MAPK8: variants seen among roughly 807,000 people sequenced by gnomAD.
MAPK8 encodes JUN N-terminal kinase.
MAPK8 carries 13 observed loss-of-function variants against 52.9 expected under a neutral mutation model. The ratio of observed to expected loss-of-function variants is 0.25; its 90% confidence interval spans 0.16 to 0.39. The LOEUF (loss-of-function observed/expected upper bound fraction) is 0.39. MAPK8 is among the 10% of genes least tolerant of loss of function. MAPK8 has a pLI of 1.00. For synonymous variants in MAPK8, 191 were observed against 169.8 expected, an observed-to-expected ratio of 1.12 and a Z score of -0.97; for missense variants, 300 against 519.2, an observed-to-expected ratio of 0.58 and a Z score of 4.10.
intron 1 of MAPK8, among the ~76,000 whole-genome samples, chr10:48,345,714 G>C (rs1255954350): frequency 2.6e-5 from 4 of 152,164 alleles, no homozygotes; most frequent in African/African-American, 9.7e-5. Context: ...GGGTGGATCT[G>C]CTCAGGACCC....
At chr10:48,376,573 A>G (rs1169589749) in intron 1 of MAPK8, among the ~76,000 whole-genome samples, 7 of 152,252 alleles carry the variant, frequency 4.6e-5, no homozygotes, top group Admixed American at 2.0e-4. Context: ...GGCGAAGCAT[A>G]TGAAGAGACA....
chr10:48,402,620 A>T (rs748749377), intron 2 of MAPK8, among the ~76,000 whole-genome samples: 10 of 152,236 alleles, frequency 6.6e-5, no homozygotes, highest in Admixed American at 4.6e-4. Context: ...GTTTTGGGGA[A>T]TTATAAGCCT....
intron 1 of MAPK8, among the ~76,000 whole-genome samples, chr10:48,332,482 C>T (rs909795672): frequency 7.9e-5 from 12 of 152,188 alleles, no homozygotes; most frequent in Non-Finnish European, 1.3e-4. Flanking sequence ...TATTTTTCTT[C>T]CATCGGGAAG....
intron 3 of MAPK8, among the ~76,000 whole-genome samples, chr10:48,408,278 A>G (rs2042572601): frequency 1.3e-5 from 2 of 152,172 alleles, no homozygotes; most frequent in African/African-American, 4.8e-5. Flanking sequence ...TGATGTGAAA[A>G]TGAGACTAGA....
intron 6 of MAPK8, among the ~76,000 whole-genome samples, chr10:48,420,872 A>T (rs975765506): frequency 6.6e-6 from 1 of 152,234 alleles, no homozygotes; most frequent in African/African-American, 2.4e-5. Flanking sequence ...AGTATTTTGT[A>T]TGGGTATATC....
chr10:48,332,804 C>T (rs1844282383), intron 1 of MAPK8, among the ~76,000 whole-genome samples: 1 of 152,184 alleles, frequency 6.6e-6, no homozygotes, highest in Non-Finnish European at 1.5e-5. Flanking sequence ...TATTAGGCCC[C>T]ACTCTGTCCA....
At chr10:48,362,690 A>G (rs1847644852) in intron 1 of MAPK8, among the ~76,000 whole-genome samples, 2 of 150,804 alleles carry the variant, frequency 1.3e-5, no homozygotes, top group South Asian at 4.2e-4. Flanking sequence ...AGTGGATTCC[A>G]CTGTATCACA....
At chr10:48,425,831 A>ACAAGAATACATTCG in intron 7 of MAPK8, 57 bp from the exon 8 acceptor site, 1 of 818,980 alleles carries the variant, frequency 1.2e-6, no homozygotes, top group Non-Finnish European at 1.7e-6. Context: ...TAATATGAAT[A>ACAAGAATACATTCG]TGACTAATGT....
intron 1 of MAPK8, among the ~76,000 whole-genome samples, chr10:48,361,746 G>A (rs1299318714): frequency 1.3e-5 from 2 of 152,032 alleles, no homozygotes; most frequent in Admixed American, 6.5e-5. Flanking sequence ...GGGGCGTAGG[G>A]GGGAGCTTAC....
At chr10:48,390,904 A>G (rs17010433) in intron 1 of MAPK8, among the ~76,000 whole-genome samples, 25,990 of 152,202 alleles carry the variant, frequency 0.17, 3,251 homozygotes, top group African/African-American at 0.31. Flanking sequence ...AGATGCAGCT[A>G]TTGTCCTCAG....
At chr10:48,340,922 C>T (rs1845193966) in intron 1 of MAPK8, among the ~76,000 whole-genome samples, 1 of 152,198 alleles carries the variant, frequency 6.6e-6, no homozygotes, top group Non-Finnish European at 1.5e-5. Context: ...TGGTGTGACC[C>T]TTTCTGCACA....
intron 10 of MAPK8, among the ~76,000 whole-genome samples, chr10:48,429,543 G>T (rs2044002200): frequency 6.6e-6 from 1 of 152,144 alleles, no homozygotes; most frequent in African/African-American, 2.4e-5. Context: ...CCTAGTTAGT[G>T]CTCCTAATTA....
chr10:48,420,873 T>C (rs528877981), intron 6 of MAPK8, among the ~76,000 whole-genome samples: 2 of 152,342 alleles, frequency 1.3e-5, no homozygotes, highest in Admixed American at 1.3e-4. Context: ...GTATTTTGTA[T>C]GGGTATATCC....
intron 1 of MAPK8, among the ~76,000 whole-genome samples, chr10:48,390,334 T>C (rs920891086): frequency 6.6e-6 from 1 of 152,176 alleles, no homozygotes; most frequent in African/African-American, 2.4e-5. Context: ...TAACCAAATA[T>C]ATGGGCACCC....
rs2045028703 is a variant in MAPK8 at position 48,438,388 on chromosome 10, A to G, written c.*3359A>G. ...GAAGAGGTAAAGGGCATTGAAGCAG[A>G]AATGTATAGTTTGGGGTACGATTAG... On this transcript the variant is annotated 3_prime_UTR_variant, in exon 12 of 12. Transcript: ENST00000374189. The G allele has an allele frequency of 6.6e-6, 1 of 152,240 alleles. No individual in the cohort carries two copies. The allele number at this position is 152,240 out of a possible 1,614,324, so 9.4% of individuals were successfully genotyped here. A position where few individuals can be genotyped will look rare whatever the true frequency, so the allele number is the denominator to read the frequency against.
intron 1 of MAPK8, among the ~76,000 whole-genome samples, chr10:48,343,029 G>T (rs1845451115): frequency 6.6e-6 from 1 of 152,206 alleles, no homozygotes; most frequent in East Asian, 1.9e-4. Context: ...AGCCTGCAAA[G>T]AACTGATTTC....
chr10:48,406,943 G>A (rs1018783316), intron 3 of MAPK8, among the ~76,000 whole-genome samples: 22 of 152,102 alleles, frequency 1.4e-4, no homozygotes, highest in African/African-American at 3.6e-4. Flanking sequence ...TAGAAATTTC[G>A]TCCCCATCTG....
chr10:48,342,026 G>A (rs971108637), intron 1 of MAPK8, among the ~76,000 whole-genome samples: 7 of 152,258 alleles, frequency 4.6e-5, no homozygotes, highest in Admixed American at 4.6e-4. Flanking sequence ...TGTTTTGGAG[G>A]GAGTGGTGGA....
chr10:48,430,092 G>A (rs924852954), intron 10 of MAPK8: 1 of 152,154 alleles, frequency 6.6e-6, no homozygotes, highest in Admixed American at 6.5e-5. Context: ...TTTTTTGTTT[G>A]TTTTTGTTTT....
Sources: allele counts gnomAD v4.1 joint callset (sites outside exome capture counted in the v4.1 genomes callset), GRCh38; gene constraint gnomAD v4.1.1; transcripts MANE v1.5; gene names NCBI Gene and HGNC (gene_info 2026-07-23, HGNC 2026-07-21).